Variants in FEM1C observed in about 807,000 individuals in gnomAD.
FEM1C encodes protein fem-1 homolog C.
In FEM1C, 15 loss-of-function variants were observed where a neutral mutation model predicts 37.6. The observed-to-expected ratio is 0.40, with a 90% confidence interval of 0.27 to 0.61. The LOEUF (loss-of-function observed/expected upper bound fraction) is 0.61, where lower values mean the gene tolerates loss of function less well. Among genes scored for constraint, FEM1C ranks in the 20% least tolerant of loss-of-function variants. The probability of loss-of-function intolerance (pLI) is 0.42; values close to 1 mark genes in which losing one functional copy is unlikely to be tolerated. For synonymous variants in FEM1C, 287 were observed against 272.8 expected (o/e 1.05, Z -0.51); for missense variants, 532 against 749.7 (o/e 0.71, Z 3.39).
chr5:115,525,738 T>C, intron 2 of FEM1C, 121 bp from the exon 3 acceptor site: 1 of 736,974 alleles, frequency 1.4e-6, no homozygotes, highest in Non-Finnish European at 2.1e-6. Flanking sequence ...AAGTAGGACA[T>C]ACTTGGTTTA....
chr5:115,543,769 A>G (rs1754293459), intron 1 of FEM1C, 86 bp from the exon 2 acceptor site: 2 of 1,231,100 alleles, frequency 1.6e-6, no homozygotes, highest in Non-Finnish European at 2.0e-6. Flanking sequence ...TGTGGGAAGA[A>G]AGGAATAAAA....
chr5:115,535,115 T>C (rs540060468), intron 2 of FEM1C, among the ~76,000 whole-genome samples: 13 of 152,038 alleles, frequency 8.6e-5, no homozygotes, highest in African/African-American at 3.1e-4. Flanking sequence ...GTTTCATCCA[T>C]GGAAAAGTTC....
chr5:115,524,445 T>C lies in FEM1C; in HGVS notation c.1717A>G (p.Ile573Val), dbSNP rs147553193. ...ATAGGCTGGATTAAATTTTTAGCTA[T>C]TTCCTTCTCATCCAGCAAGTCACTA... Reference protein sequence around the residue: ...TASDLLDEKEIAKNLIQPINH... With the variant: ...TASDLLDEKEVAKNLIQPINH... Residue 573 changes from isoleucine to valine, a missense_variant, in exon 3 of 3, where the codon ATA becomes GTA. This residue lies in a region of FEM1C where 237 missense variants were observed against 260.5 expected (regional missense o/e 0.91). Coordinates refer to ENST00000274457, the MANE Select transcript of FEM1C (RefSeq NM_020177.3). 1.9e-6 allele frequency: 3 copies of C among 1,613,292 alleles called. No individual in the cohort carries two copies. Among genetic ancestry groups the C allele is most frequent in the Non-Finnish European group, 2.5e-6 (3 of 1,179,670 alleles).
rs1471765434 is a variant in FEM1C at position 115,542,021 on chromosome 5, G to C, written c.544+929C>G. Among the ~76,000 whole-genome samples the C allele has an allele frequency of 3.9e-5, 6 of 152,122 alleles. No individual in the cohort carries two copies. The East Asian group carries it at 9.6e-4, about 24-fold the overall frequency. On this transcript the variant is annotated intron_variant, in intron 2 of 2. Transcript: ENST00000274457. ...TTGATTTTTTTTAACATGTCTATAT[G>C]CTACTTTTAAATTTTAATGGCTTTT...
Position 115,543,554 on chromosome 5 carries a change from C to G in FEM1C, c.-61G>C. 1 of 1,527,510 alleles carries G rather than the reference C, an allele frequency of 6.5e-7. No homozygotes were observed. The allele number at this position is 1,527,510 out of a possible 1,614,324, so 94.6% of individuals were successfully genotyped here. On this transcript the variant is annotated 5_prime_UTR_variant, in exon 2 of 3. Coordinates refer to ENST00000274457, the MANE Select transcript of FEM1C (RefSeq NM_020177.3). ...TTCAAAGCAGAGCTCCAGTTTAACT[C>G]TATCGACACAGGCAAGAGTCACAGG...
intron 2 of FEM1C, among the ~76,000 whole-genome samples, chr5:115,539,206 C>A (rs1013855651): frequency 1.3e-5 from 2 of 152,040 alleles, no homozygotes; most frequent in Non-Finnish European, 2.9e-5. Context: ...GAGCCTACAG[C>A]GTTTTCTATT....
At chr5:115,531,811 A>C (rs1015397612) in intron 2 of FEM1C, among the ~76,000 whole-genome samples, 1 of 152,106 alleles carries the variant, frequency 6.6e-6, no homozygotes, top group Non-Finnish European at 1.5e-5. Context: ...CTCAGGCAGT[A>C]CTGAAATGGG....
chr5:115,530,272 A>G (rs1753987271), intron 2 of FEM1C, among the ~76,000 whole-genome samples: 1 of 152,080 alleles, frequency 6.6e-6, no homozygotes, highest in Non-Finnish European at 1.5e-5. Context: ...AGTAGACTTT[A>G]ATGCAAAATA....
chr5:115,532,411 G>A (rs1561558454), intron 2 of FEM1C, among the ~76,000 whole-genome samples: 2 of 151,944 alleles, frequency 1.3e-5, no homozygotes, highest in African/African-American at 2.4e-5. Flanking sequence ...TATCCTAGAA[G>A]GAGATCTTTT....
rs762341261 is a variant in FEM1C, at chr5:115,535,296, AAAC to A, written c.544+7651_544+7653del. Among the ~76,000 whole-genome samples, 206 of 150,124 alleles carry A rather than the reference AAAC, an allele frequency of 1.4e-3. 1 individual carries two copies. Among genetic ancestry groups the A allele is most frequent in the Non-Finnish European group, 2.5e-3 (167 of 67,700 alleles). ...CCATCAAAAAAGTTAAAAAAAAAAA[AAAC>A]AAACACAGAATGAGAGAAAATATTT... On this transcript the variant is annotated intron_variant, in intron 2 of 2. Coordinates refer to ENST00000274457, the MANE Select transcript of FEM1C (RefSeq NM_020177.3).
At chr5:115,526,141 G>A (rs1435618980) in intron 2 of FEM1C, among the ~76,000 whole-genome samples, 1 of 152,022 alleles carries the variant, frequency 6.6e-6, no homozygotes, top group Non-Finnish European at 1.5e-5. Flanking sequence ...GATTGCAGGT[G>A]TGAGCCACAA....
Position 115,543,462 on chromosome 5 carries a change from G to A in FEM1C, c.32C>T (p.Ala11Val). 6.2e-7 allele frequency: 1 copy of A among 1,613,276 alleles called. No homozygotes were observed. Among genetic ancestry groups the A allele is most frequent in the Non-Finnish European group, 8.5e-7 (1 of 1,179,782 alleles). Reference protein sequence around the residue: MDLKTAVFNAARDGKLRLLTK... With the variant: MDLKTAVFNAVRDGKLRLLTK... The stretch of plus-strand genomic sequence containing the variant: ...GAGAAGCCGGAGTTTGCCATCCCGA[G>A]CTGCGTTAAATACTGCTGTCTTTAG... Residue 11 changes from alanine (A) to valine (V), a missense_variant, in exon 2 of 3, where the codon GCT becomes GTT. Physicochemically the swap from Ala to Val is moderately conservative, Grantham distance 64. This residue lies in a region of FEM1C where 74 missense variants were observed against 85.0 expected (regional missense o/e 0.87). Transcript: ENST00000274457.
chr5:115,535,691 T>C (rs1754110917), intron 2 of FEM1C, among the ~76,000 whole-genome samples: 1 of 151,954 alleles, frequency 6.6e-6, no homozygotes, highest in Non-Finnish European at 1.5e-5. Context: ...AAAAACAGTT[T>C]AACGGTTCCT....
At chr5:115,528,870 C>A (rs1753959595) in intron 2 of FEM1C, among the ~76,000 whole-genome samples, 1 of 151,972 alleles carries the variant, frequency 6.6e-6, no homozygotes, top group Non-Finnish European at 1.5e-5. Flanking sequence ...GAGAATTCAA[C>A]AGAAAACTGG....
rs1753829774 is a variant in FEM1C, at chr5:115,524,051, A to AT, written c.*256dup. On this transcript the variant is annotated 3_prime_UTR_variant, in exon 3 of 3. Transcript: ENST00000274457. ...CCAACAGCAAACAAAACCAGAATGA[A>AT]TAAGCCTTTGGCAGACAATTTTAGA... The AT allele has an allele frequency of 5.3e-6, 2 of 380,386 alleles. No individual in the cohort carries two copies. The highest frequency in any genetic ancestry group is 4.2e-5 in the African/African-American group (2 of 47,132). 23.6% of individuals were successfully genotyped at this position (380,386 alleles called of 1,614,324 possible). A position where few individuals can be genotyped will look rare whatever the true frequency, so the allele number is the denominator to read the frequency against.
At chr5:115,535,528 T>C (rs1284868928) in intron 2 of FEM1C, among the ~76,000 whole-genome samples, 1 of 151,852 alleles carries the variant, frequency 6.6e-6, no homozygotes, top group Admixed American at 6.6e-5. Flanking sequence ...TGGAGAAATA[T>C]AAATCAAAAT....
intron 2 of FEM1C, among the ~76,000 whole-genome samples, chr5:115,532,893 T>C (rs1453807201): frequency 6.6e-6 from 1 of 152,070 alleles, no homozygotes; most frequent in Non-Finnish European, 1.5e-5. Context: ...AGAGCAGTGA[T>C]TGGCAAGGGC....
chr5:115,522,946 A>AGT lies in FEM1C; in HGVS notation c.*1361_*1362insAC, dbSNP rs1285682282. On this transcript the variant is annotated 3_prime_UTR_variant, in exon 3 of 3. Coordinates refer to ENST00000274457, the MANE Select transcript of FEM1C (RefSeq NM_020177.3). ...GCAAATCTGTGAGTGAGTGAGTGAG[A>AGT]GAGAGAGAGAGAGAGAAAGAGAAAG... 6.6e-6 allele frequency: 1 copy of AGT among 151,914 alleles called. No homozygotes were observed. The highest frequency in any genetic ancestry group is 2.4e-5 in the African/African-American group (1 of 41,262). The allele number at this position is 151,914 out of a possible 1,614,324, so 9.4% of individuals were successfully genotyped here.
In FEM1C at chr5:115,524,221, G is replaced by C; in HGVS notation, c.*87C>G. ...CACAATGATATCAATCAAGCTAAATGAATGCTGGTGTTATCACAACAGTGC... is the reference window on the plus strand; with the variant it reads ...CACAATGATATCAATCAAGCTAAATCAATGCTGGTGTTATCACAACAGTGC... On this transcript the variant is annotated 3_prime_UTR_variant, in exon 3 of 3. Coordinates refer to ENST00000274457, the MANE Select transcript of FEM1C (RefSeq NM_020177.3). 1 of 1,050,448 alleles carries C rather than the reference G, an allele frequency of 9.5e-7. No individual in the cohort carries two copies. Among genetic ancestry groups the C allele is most frequent in the Non-Finnish European group, 1.4e-6 (1 of 701,712 alleles). 65.1% of individuals were successfully genotyped at this position (1,050,448 alleles called of 1,614,324 possible). A position where few individuals can be genotyped will look rare whatever the true frequency, so the allele number is the denominator to read the frequency against.
Sources: allele counts gnomAD v4.1 joint callset (sites outside exome capture counted in the v4.1 genomes callset), GRCh38; gene constraint gnomAD v4.1.1; regional missense constraint gnomAD v4.1.1; transcripts MANE v1.5; gene names NCBI Gene and HGNC (gene_info 2026-07-23, HGNC 2026-07-21).